The following ZNF385D variants were observed in gnomAD, a reference collection of about 807,000 sequenced individuals.
ZNF385D encodes zinc finger protein 385D, also known as zinc finger protein 659.
Under a neutral mutation model 35.8 loss-of-function variants are expected in ZNF385D, and 15 were observed. The ratio of observed to expected loss-of-function variants is 0.42; its 90% CI spans 0.28 to 0.64. ZNF385D has a LOEUF of 0.64. Among genes scored for constraint, ZNF385D ranks in the 30% least tolerant of loss-of-function variants. The pLI is 0.23. For missense variants in ZNF385D, 474 were observed against 494.6 expected (o/e 0.96, Z 0.39); for synonymous variants, 212 against 186.8 (o/e 1.13, Z -1.10).
chr3:21,685,851 T>C (rs2067085739), intron 1 of ZNF385D, among the ~76,000 whole-genome samples: 2 of 152,116 alleles, frequency 1.3e-5, no homozygotes, highest in African/African-American at 4.8e-5. Context: ...AGAAACACAG[T>C]AAAGTAATAA....
intron 2 of ZNF385D, among the ~76,000 whole-genome samples, chr3:22,248,773 G>A (rs1174110334): frequency 6.6e-6 from 1 of 152,114 alleles, no homozygotes; most frequent in African/African-American, 2.4e-5. Flanking sequence ...TCGCCTTTGT[G>A]TAGTTGTGTC....
chr3:21,914,468 T>G (rs1700104978), intron 3 of ZNF385D, among the ~76,000 whole-genome samples: 1 of 151,902 alleles, frequency 6.6e-6, no homozygotes, highest in Non-Finnish European at 1.5e-5. Context: ...CTCATTTGAT[T>G]GTGTTCCTAC....
intron 3 of ZNF385D, among the ~76,000 whole-genome samples, chr3:22,124,898 C>T (rs191793026): frequency 8.8e-4 from 134 of 152,220 alleles, no homozygotes; most frequent in African/African-American, 3.0e-3. Context: ...GTTTCCTTGG[C>T]TGCATAGAAG....
chr3:21,620,591 G>A (rs1445139358), intron 2 of ZNF385D, among the ~76,000 whole-genome samples: 1 of 152,088 alleles, frequency 6.6e-6, no homozygotes, highest in African/African-American at 2.4e-5. Context: ...TTAGCATCAG[G>A]TAGCACTGAA....
chr3:22,087,124 G>T (rs187866038), intron 3 of ZNF385D, among the ~76,000 whole-genome samples: 36 of 152,234 alleles, frequency 2.4e-4, no homozygotes, highest in Admixed American at 2.6e-4. Context: ...AATTAGAAAA[G>T]TGTGTAATTA....
intron 1 of ZNF385D, among the ~76,000 whole-genome samples, chr3:21,729,136 G>T (rs371828837): frequency 1.3e-4 from 20 of 152,098 alleles, no homozygotes; most frequent in African/African-American, 3.9e-4. Flanking sequence ...CTTTGGCAAA[G>T]ATTAAGGAAG....
intron 3 of ZNF385D, among the ~76,000 whole-genome samples, chr3:22,140,488 A>C (rs1370092961): frequency 6.6e-6 from 1 of 152,160 alleles, no homozygotes; most frequent in Non-Finnish European, 1.5e-5. Flanking sequence ...CATGGTTATG[A>C]AAATGTATCT....
rs191242484 is a variant in ZNF385D at position 21,708,278 on chromosome 3, G to A, written c.22+42617C>T. Among the ~76,000 whole-genome samples, 40 of 152,292 alleles carry A rather than the reference G, an allele frequency of 2.6e-4. 1 individual carries two copies. The East Asian group carries it at 6.6e-3, about 25-fold the overall frequency. ...AGAACTTATTATGTTCTAGGCCTTG[G>A]GCTGGGAACTCTGCAAGCAGTATTT... On this transcript the variant is annotated intron_variant, in intron 1 of 7. Transcript: ENST00000281523.
intron 3 of ZNF385D, among the ~76,000 whole-genome samples, chr3:21,534,887 A>G (rs560654013): frequency 3.0e-4 from 45 of 152,236 alleles, no homozygotes; most frequent in African/African-American, 1.0e-3. Flanking sequence ...TTGGAAGTCT[A>G]TGGAAAGAAA....
chr3:22,134,976 C>A (rs1163947837), intron 3 of ZNF385D, among the ~76,000 whole-genome samples: 1 of 152,108 alleles, frequency 6.6e-6, no homozygotes, highest in Non-Finnish European at 1.5e-5. Flanking sequence ...AAAATGACTG[C>A]ATTCTACAAA....
chr3:22,008,700 A>G (rs929698594), intron 3 of ZNF385D, among the ~76,000 whole-genome samples: 1 of 152,200 alleles, frequency 6.6e-6, no homozygotes, highest in East Asian at 1.9e-4. Context: ...TTGGGAAGCC[A>G]TAACAAAACA....
intron 5 of ZNF385D, among the ~76,000 whole-genome samples, chr3:21,433,369 G>A (rs1701393743): frequency 6.6e-6 from 1 of 152,090 alleles, no homozygotes; most frequent in Middle Eastern, 3.2e-3. Flanking sequence ...GTTTCTAAAG[G>A]GGAAAAACAA....
At chr3:22,092,353 A>G (rs1701377123) in intron 3 of ZNF385D, among the ~76,000 whole-genome samples, 5 of 152,152 alleles carry the variant, frequency 3.3e-5, no homozygotes. Context: ...TTGTTTCTAC[A>G]AAGCCTGTCC....
chr3:21,573,993 G>GA (rs1234715154), intron 2 of ZNF385D, among the ~76,000 whole-genome samples: 3 of 151,036 alleles, frequency 2.0e-5, no homozygotes, highest in African/African-American at 7.3e-5. Context: ...CCGGGAGGTG[G>GA]AGGTTGCAGT....
At chr3:21,722,463 C>T (rs1382278201) in intron 1 of ZNF385D, among the ~76,000 whole-genome samples, 1 of 152,182 alleles carries the variant, frequency 6.6e-6, no homozygotes, top group Admixed American at 6.5e-5. Context: ...AATGCAATGG[C>T]ACCCACAAAT....
At chr3:21,775,847 A>G (rs2071266412) in intron 3 of ZNF385D, among the ~76,000 whole-genome samples, 1 of 151,846 alleles carries the variant, frequency 6.6e-6, no homozygotes, top group South Asian at 2.1e-4. Flanking sequence ...AGCGTTTTCC[A>G]GTAATTATAA....
chr3:21,590,038 G>A lies in ZNF385D; in HGVS notation c.166-25354C>T, dbSNP rs115753903. Among the ~76,000 whole-genome samples the A allele has an allele frequency of 5.8e-3, 888 of 152,148 alleles. 3 individuals are homozygous for A. The highest frequency in any genetic ancestry group is 0.02 in the African/African-American group (827 of 41,536). On this transcript the variant is annotated intron_variant, in intron 2 of 7. Transcript: ENST00000281523. ...AGACTCATGCAGCTGTGGACAAGTAGGCATGTGCAAGAGCATTATTAACAG... is the reference window on the plus strand; with the variant it reads ...AGACTCATGCAGCTGTGGACAAGTAAGCATGTGCAAGAGCATTATTAACAG...
intron 3 of ZNF385D, among the ~76,000 whole-genome samples, chr3:21,924,584 A>G (rs1017923027): frequency 2.6e-5 from 4 of 152,138 alleles, no homozygotes; most frequent in African/African-American, 9.7e-5. Flanking sequence ...TCTCTAATCT[A>G]TTACAAGCAA....
Position 21,948,022 on chromosome 3 carries a change from A to T in ZNF385D, c.325+220795T>A, listed in dbSNP as rs938662279. Among the ~76,000 whole-genome samples the T allele has an allele frequency of 2.6e-5, 4 of 152,076 alleles. No homozygotes were observed. In the South Asian group the frequency reaches 6.2e-4, roughly 24 times the overall value. On this transcript the variant is annotated intron_variant, in intron 3 of 5. Transcript: ENST00000494108. ...ATTCATTTTAAATGCTGCCATTATA[A>T]TTAATTTTCATATAAATTTATGTCT... is the stretch of plus-strand genomic sequence containing the variant.
Sources: allele counts gnomAD v4.1 joint callset (sites outside exome capture counted in the v4.1 genomes callset), GRCh38; gene constraint gnomAD v4.1.1; transcripts MANE v1.5; gene names NCBI Gene and HGNC (gene_info 2026-07-23, HGNC 2026-07-21).